EXOC4: variants seen among roughly 807,000 people sequenced by gnomAD.
EXOC4 encodes the protein exocyst complex component 4, also known as SEC8-like 1.
Under a neutral mutation model 107.2 loss-of-function variants are expected in EXOC4, and 71 were observed. The ratio of observed to expected loss-of-function variants is 0.66; its 90% confidence interval spans 0.55 to 0.81. The LOEUF (loss-of-function observed/expected upper bound fraction) is 0.81. EXOC4 is among the 30% of genes least tolerant of loss of function. EXOC4 has a pLI of 0.00. For synonymous variants in EXOC4, 456 were observed against 441.2 expected (o/e 1.03, Z -0.42); for missense variants, 1,108 against 1,189.6 (o/e 0.93, Z 1.01).
intron 10 of EXOC4, among the ~76,000 whole-genome samples, chr7:133,631,188 CA>C (rs1802583994): frequency 6.6e-6 from 1 of 152,020 alleles, no homozygotes; most frequent in Non-Finnish European, 1.5e-5. Context: ...CATAATAGAG[CA>C]GAAACTCCTG....
At chr7:133,712,352 T>A (rs573165819) in intron 10 of EXOC4, among the ~76,000 whole-genome samples, 6 of 140,888 alleles carry the variant, frequency 4.3e-5, no homozygotes, top group African/African-American at 1.6e-4. Flanking sequence ...GGCAGGAGAA[T>A]CACTTGAACC....
At chr7:133,476,065 T>A (rs1340827775) in intron 8 of EXOC4, among the ~76,000 whole-genome samples, 1 of 152,168 alleles carries the variant, frequency 6.6e-6, no homozygotes, top group Non-Finnish European at 1.5e-5. Context: ...TTCCTAGGTA[T>A]CAGGCACTGT....
At chr7:133,457,500 G>C (rs1436719387) in intron 7 of EXOC4, among the ~76,000 whole-genome samples, 1 of 152,126 alleles carries the variant, frequency 6.6e-6, no homozygotes, top group Non-Finnish European at 1.5e-5. Flanking sequence ...TCTTCCTTAG[G>C]TAGCTCGCCA....
At chr7:134,021,072 A>C (rs1795018832) in intron 17 of EXOC4, among the ~76,000 whole-genome samples, 1 of 152,228 alleles carries the variant, frequency 6.6e-6, no homozygotes, top group Admixed American at 6.5e-5. Flanking sequence ...CATGACATAA[A>C]GCCAGAGAGC....
intron 17 of EXOC4, among the ~76,000 whole-genome samples, chr7:134,023,186 A>G (rs1563094949): frequency 6.6e-6 from 1 of 152,216 alleles, no homozygotes; most frequent in Non-Finnish European, 1.5e-5. Context: ...TATCCCATCC[A>G]TTACCAAAGA....
rs79851604 is a variant in EXOC4, at chr7:133,467,568, T to C, written c.1183-7760T>C. Among the ~76,000 whole-genome samples, 37 of 151,476 alleles carry C rather than the reference T, an allele frequency of 2.4e-4. 1 individual carries two copies. In the East Asian group the frequency reaches 7.2e-3, roughly 30 times the overall value. On this transcript the variant is annotated intron_variant, in intron 7 of 17. Transcript: ENST00000253861. ...TTTTGTATTTGGCTTCAGTTCGTAATTTGTCATTACAGATTCTTTTTTTTT... is the reference window on the plus strand; with the variant it reads ...TTTTGTATTTGGCTTCAGTTCGTAACTTGTCATTACAGATTCTTTTTTTTT...
chr7:133,619,271 G>A (rs1208197798), intron 9 of EXOC4, among the ~76,000 whole-genome samples: 1 of 152,168 alleles, frequency 6.6e-6, no homozygotes, highest in Non-Finnish European at 1.5e-5. Flanking sequence ...GCTTCTCTTA[G>A]TCATTTTGAG....
chr7:133,978,895 G>A (rs1793905931), intron 14 of EXOC4, among the ~76,000 whole-genome samples: 1 of 152,164 alleles, frequency 6.6e-6, no homozygotes, highest in African/African-American at 2.4e-5. Context: ...AGAAGTTGTA[G>A]ATGTTCCTAT....
intron 14 of EXOC4, among the ~76,000 whole-genome samples, chr7:133,990,111 T>C (rs1025292777): frequency 3.3e-5 from 5 of 152,142 alleles, no homozygotes; most frequent in African/African-American, 1.2e-4. Flanking sequence ...ACCTCAAACA[T>C]TTATCTTTTC....
chr7:133,286,325 G>A (rs981993173), intron 2 of EXOC4, among the ~76,000 whole-genome samples: 17 of 151,778 alleles, frequency 1.1e-4, no homozygotes, highest in African/African-American at 3.9e-4. Flanking sequence ...TGTTTATATC[G>A]TCCTGTCCTT....
At chr7:133,679,653 C>T (rs1794145288) in intron 10 of EXOC4, among the ~76,000 whole-genome samples, 1 of 152,148 alleles carries the variant, frequency 6.6e-6, no homozygotes, top group African/African-American at 2.4e-5. Flanking sequence ...TTGAATTCCA[C>T]CTTTTCCTCA....
chr7:133,719,270 A>T (rs1010721718), intron 10 of EXOC4, among the ~76,000 whole-genome samples: 1 of 152,164 alleles, frequency 6.6e-6, no homozygotes, highest in Non-Finnish European at 1.5e-5. Flanking sequence ...CTCCCCAGCC[A>T]TGAGAAACTG....
chr7:133,626,119 A>AT (rs2151011091), intron 9 of EXOC4, among the ~76,000 whole-genome samples: 1 of 152,266 alleles, frequency 6.6e-6, no homozygotes, highest in East Asian at 1.9e-4. Context: ...AGACAGGAGA[A>AT]TCGCTTGAAC....
At chr7:134,096,275 A>G in the EXOC4 span, among the ~76,000 whole-genome samples, 3 of 152,190 alleles carry the variant, frequency 2.0e-5, no homozygotes, top group Non-Finnish European at 2.9e-5. Flanking sequence ...GTAGCCCACA[A>G]TGGAATAAGT....
At chr7:133,855,079 C>A (rs10260405) in intron 11 of EXOC4, among the ~76,000 whole-genome samples, 1,068 of 43,270 alleles carry the variant, frequency 0.025, 53 homozygotes, top group African/African-American at 0.16. Context: ...CTAAATATAT[C>A]TAAATATATA....
chr7:134,020,202 G>C (rs1176328518), intron 17 of EXOC4, among the ~76,000 whole-genome samples: 2 of 152,328 alleles, frequency 1.3e-5, no homozygotes, highest in East Asian at 3.9e-4. Flanking sequence ...TTCCCTATCA[G>C]CTACAGGGTC....
chr7:133,576,405 C>G, intron 9 of EXOC4: 1 of 1,057,316 alleles, frequency 9.5e-7, no homozygotes, highest in Non-Finnish European at 1.2e-6. Flanking sequence ...TTGTCTCCGT[C>G]ACAGTCAAAT....
chr7:133,448,203 T>A (rs1798261181), intron 7 of EXOC4, among the ~76,000 whole-genome samples: 1 of 152,194 alleles, frequency 6.6e-6, no homozygotes, highest in African/African-American at 2.4e-5. Context: ...CTGCACTCAG[T>A]CTAGTTAGAT....
At chr7:133,596,059 T>A (rs1374319465) in intron 9 of EXOC4, among the ~76,000 whole-genome samples, 1 of 152,206 alleles carries the variant, frequency 6.6e-6, no homozygotes, top group African/African-American at 2.4e-5. Context: ...GCTATTCACA[T>A]GTTTTCCGCT....
Sources: gnomAD v4.1 joint callset for allele counts (sites outside exome capture counted in the v4.1 genomes callset) on GRCh38, gnomAD v4.1.1 for gene constraint, MANE v1.5 for transcripts, NCBI Gene and HGNC (gene_info 2026-07-23, HGNC 2026-07-21) for gene names.